HECW2: variants seen among roughly 807,000 people sequenced by gnomAD.
HECW2 encodes the protein E3 ubiquitin-protein ligase HECW2.
A neutral mutation model predicts 175.2 loss-of-function variants in HECW2; 61 were observed. That is an observed-to-expected ratio of 0.35 (90% CI 0.28 to 0.43). HECW2 has a LOEUF of 0.43. Ranked by LOEUF, HECW2 falls within the 20% of genes least tolerant of loss-of-function variation. The probability of loss-of-function intolerance (pLI) is 1.00; values close to 1 mark genes in which losing one functional copy is unlikely to be tolerated. For missense variants in HECW2, 1,524 were observed against 2,000.5 expected, an observed-to-expected ratio of 0.76 and a Z score of 4.54; for synonymous variants, 671 against 731.0, an observed-to-expected ratio of 0.92 and a Z score of 1.32.
chr2:196,320,323 T>C lies in HECW2; in HGVS notation c.985+16A>G, dbSNP rs1413731020. ...TCCTATAGCAATGTATTCATACAGATATATTTATATCTCACCTTCATGAAC... is the reference window on the plus strand; with the variant it reads ...TCCTATAGCAATGTATTCATACAGACATATTTATATCTCACCTTCATGAAC... On this transcript the variant is annotated intron_variant, in intron 8 of 28. Coordinates refer to ENST00000644978, the MANE Select transcript of HECW2 (RefSeq NM_001348768.2). The C allele has an allele frequency of 2.0e-6, 3 of 1,471,468 alleles. No individual in the cohort carries two copies. The highest frequency in any genetic ancestry group is 1.4e-5 in the African/African-American group (1 of 72,010). The allele number at this position is 1,471,468 out of a possible 1,614,324, so 91.2% of individuals were successfully genotyped here.
intron 1 of HECW2, among the ~76,000 whole-genome samples, chr2:196,438,874 AG>A (rs1364925501): frequency 6.6e-6 from 1 of 152,172 alleles, no homozygotes; most frequent in Non-Finnish European, 1.5e-5. Flanking sequence ...TCTACCCTGA[AG>A]CTGTATAGTC....
chr2:196,290,905 T>C (rs1423009083), intron 14 of HECW2: 1 of 152,184 alleles, frequency 6.6e-6, no homozygotes, highest in Admixed American at 6.6e-5. Context: ...TTCTCTTTCA[T>C]CTCTCCTAAA....
chr2:196,420,038 C>T (rs1283496583), intron 2 of HECW2, among the ~76,000 whole-genome samples: 1 of 152,164 alleles, frequency 6.6e-6, no homozygotes, highest in Admixed American at 6.5e-5. Flanking sequence ...TGTTGTTTTA[C>T]ACATTTTGAT....
intron 1 of HECW2, among the ~76,000 whole-genome samples, chr2:196,468,651 A>G (rs1485799753): frequency 4.0e-5 from 6 of 151,840 alleles, no homozygotes; most frequent in African/African-American, 1.5e-4. Context: ...AAACTATTCC[A>G]TTTTTTTTCC....
At chr2:196,369,244 G>C (rs79164677) in intron 2 of HECW2, among the ~76,000 whole-genome samples, 39 of 152,130 alleles carry the variant, frequency 2.6e-4, no homozygotes, top group African/African-American at 9.2e-4. Flanking sequence ...ACTCCTATAG[G>C]TACCACCTTG....
At chr2:196,234,954 C>G (rs2105861595) in intron 21 of HECW2, among the ~76,000 whole-genome samples, 1 of 152,268 alleles carries the variant, frequency 6.6e-6, no homozygotes, top group East Asian at 1.9e-4. Flanking sequence ...CAGCTCTAAC[C>G]AAATTAAATC....
chr2:196,460,851 C>A (rs527412960), intron 1 of HECW2, among the ~76,000 whole-genome samples: 1 of 134,680 alleles, frequency 7.4e-6, no homozygotes, highest in Admixed American at 9.1e-5. Context: ...TATCAAACTT[C>A]TGGCCTCAAG....
chr2:196,350,270 C>A (rs1218815859), intron 2 of HECW2, among the ~76,000 whole-genome samples: 1 of 152,180 alleles, frequency 6.6e-6, no homozygotes, highest in Non-Finnish European at 1.5e-5. Context: ...GAGGCTGAGG[C>A]AGGAGAACTG....
chr2:196,529,171 T>C (rs1688763172), intron 1 of HECW2, among the ~76,000 whole-genome samples: 2 of 152,190 alleles, frequency 1.3e-5, no homozygotes, highest in Admixed American at 1.3e-4. Context: ...ACCATCCTAC[T>C]AAGAACTCAA....
intron 1 of HECW2, among the ~76,000 whole-genome samples, chr2:196,496,407 T>C (rs1212499242): frequency 1.6e-5 from 2 of 127,414 alleles, no homozygotes; most frequent in Non-Finnish European, 3.1e-5. Context: ...TTTCCATATA[T>C]GTATATATAT....
chr2:196,536,773 G>A (rs1046020153), intron 1 of HECW2, among the ~76,000 whole-genome samples: 1 of 152,130 alleles, frequency 6.6e-6, no homozygotes, highest in African/African-American at 2.4e-5. Context: ...CTGCTAAATG[G>A]CCACTGTGCT....
chr2:196,390,740 A>G (rs1163584679), intron 2 of HECW2, among the ~76,000 whole-genome samples: 1 of 152,192 alleles, frequency 6.6e-6, no homozygotes, highest in East Asian at 1.9e-4. Context: ...ACACAAATAC[A>G]TTCTTTGCAA....
intron 17 of HECW2, chr2:196,269,458 C>T (rs1689642206): frequency 7.6e-6 from 1 of 131,032 alleles, no homozygotes; most frequent in African/African-American, 3.1e-5. Flanking sequence ...GCACTCCAGC[C>T]TGGGCGACAA....
chr2:196,549,460 CTTT>C (rs370114651), intron 1 of HECW2, among the ~76,000 whole-genome samples: 1,907 of 152,026 alleles, frequency 0.013, 39 homozygotes, highest in African/African-American at 0.044. Flanking sequence ...TATTTAGAGT[CTTT>C]TTTTTACTCA....
chr2:196,213,532 C>T (rs1280842039), intron 28 of HECW2, among the ~76,000 whole-genome samples: 2 of 152,266 alleles, frequency 1.3e-5, no homozygotes, highest in Middle Eastern at 3.4e-3. Flanking sequence ...TCTCATCAGA[C>T]CCCAAAAGAT....
Position 196,390,941 on chromosome 2 carries a change from T to C in HECW2, c.292+42191A>G, listed in dbSNP as rs1338891371. 2.0e-5 allele frequency among the ~76,000 whole-genome samples: 3 copies of C among 152,298 alleles called. No homozygotes were observed. The East Asian group carries it at 5.8e-4, about 29-fold the overall frequency. The stretch of plus-strand genomic sequence containing the variant: ...ATTTCCTTATTAATCTGCTGTCTTA[T>C]ACTCATTGGCATTGGCTGGTTATCT... On this transcript the variant is annotated intron_variant, in intron 2 of 28. Coordinates refer to ENST00000644978, the MANE Select transcript of HECW2 (RefSeq NM_001348768.2).
chr2:196,472,897 G>A (rs1697271270), intron 1 of HECW2, among the ~76,000 whole-genome samples: 1 of 152,138 alleles, frequency 6.6e-6, no homozygotes, highest in African/African-American at 2.4e-5. Context: ...CTGGGATTCC[G>A]GGCCGGAGCC....
chr2:196,405,566 A>AC (rs574833257), intron 2 of HECW2, among the ~76,000 whole-genome samples: 2 of 151,646 alleles, frequency 1.3e-5, no homozygotes, highest in East Asian at 3.9e-4. Flanking sequence ...TTGAAGTCCA[A>AC]CCCCCCATCT....
intron 1 of HECW2, among the ~76,000 whole-genome samples, chr2:196,565,763 A>G (rs1400102890): frequency 6.6e-6 from 1 of 152,236 alleles, no homozygotes; most frequent in Non-Finnish European, 1.5e-5. Context: ...TTCAAAAATA[A>G]TAATTGTCTA....
Sources: allele counts gnomAD v4.1 joint callset (sites outside exome capture counted in the v4.1 genomes callset), GRCh38; gene constraint gnomAD v4.1.1; transcripts MANE v1.5; gene names NCBI Gene and HGNC (gene_info 2026-07-23, HGNC 2026-07-21).